Variants in FBXO30 observed in about 807,000 individuals in gnomAD.
FBXO30 encodes F-box protein 30.
Under a neutral mutation model 58.1 loss-of-function variants are expected in FBXO30, and 21 were observed. The observed-to-expected ratio is 0.36, with a 90% CI of 0.26 to 0.52. The LOEUF (loss-of-function observed/expected upper bound fraction) is 0.52. Among genes scored for constraint, FBXO30 ranks in the 20% least tolerant of loss-of-function variants. The pLI is 0.93. For synonymous variants in FBXO30, 309 were observed against 312.4 expected (o/e 0.99, Z 0.11); for missense variants, 744 against 897.3 (o/e 0.83, Z 2.18).
intron 2 of FBXO30, among the ~76,000 whole-genome samples, chr6:145,801,090 C>T (rs181489198): frequency 3.8e-4 from 58 of 152,078 alleles, no homozygotes; most frequent in African/African-American, 1.2e-3. Context: ...AAGACTGTGC[C>T]CCAAGCCCCT....
Position 145,804,962 on chromosome 6 carries a change from C to A in FBXO30, c.1444G>T (p.Ala482Ser). The change falls in exon 2 of 3, where the codon GCT (alanine) becomes TCT (serine). Residue 482 changes from alanine to serine, a missense_variant. Physicochemically the swap from Ala to Ser is moderately conservative, Grantham distance 99. Coordinates refer to ENST00000237281, the MANE Select transcript of FBXO30 (RefSeq NM_032145.5). Reference sequence around the variant, plus strand: ...AGCTGTGGATTGGCATGATCACAAGCTGAAGCTGAAGCTATCTCCCCAACC... The same window carrying A: ...AGCTGTGGATTGGCATGATCACAAGATGAAGCTGAAGCTATCTCCCCAACC... Reference protein sequence around the residue: ...TMVGEIASASACDHANPQLSN... With the variant: ...TMVGEIASASSCDHANPQLSN... 1 of 1,613,896 alleles carries A rather than the reference C, an allele frequency of 6.2e-7. No individual in the cohort carries two copies. Among genetic ancestry groups the A allele is most frequent in the Non-Finnish European group, 8.5e-7 (1 of 1,179,918 alleles).
chr6:145,804,324 T>C, intron 2 of FBXO30, 48 bp downstream of exon 2: 1 of 1,479,680 alleles, frequency 6.8e-7, no homozygotes, highest in Non-Finnish European at 9.2e-7. Flanking sequence ...AGCAGTATTA[T>C]TAAAGTCCTC....
intron 1 of FBXO30, among the ~76,000 whole-genome samples, chr6:145,806,773 G>T (rs940544435): frequency 6.6e-6 from 1 of 152,144 alleles, no homozygotes; most frequent in African/African-American, 2.4e-5. Flanking sequence ...TTAGATTTCA[G>T]AGTGTTTTTC....
In FBXO30 at chr6:145,805,512, G is replaced by A. The variant is rs762080793; in HGVS notation, c.894C>T (p.Asp298=). Residue 298 remains aspartate, a synonymous_variant, in exon 2 of 3, where the codon GAC becomes GAT. Coordinates refer to ENST00000237281, the MANE Select transcript of FBXO30 (RefSeq NM_032145.5). The stretch of plus-strand genomic sequence containing the variant: ...AATCACCATGTAAATTCTGATTCTG[G>A]TCTATGACCTGGGTACATATATTTT... ...PLENICTQVI[D]QNQNLHGDSK... 6 of 1,605,798 alleles carry A rather than the reference G, an allele frequency of 3.7e-6. No individual in the cohort carries two copies. Among genetic ancestry groups the A allele is most frequent in the Non-Finnish European group, 4.3e-6 (5 of 1,175,896 alleles).
rs150645956 is a variant in FBXO30 at position 145,805,027 on chromosome 6, G to A, written c.1379C>T (p.Thr460Ile). The change falls in exon 2 of 3, where the codon ACT (threonine) becomes ATT (isoleucine). Residue 460 changes from threonine to isoleucine, a missense_variant. By Grantham distance (89) the Thr-to-Ile change is moderately conservative. Transcript: ENST00000237281. The part of the protein sequence containing the change: ...DIYHIDVGTQ[T>I]FSLPSAILAT... ...TAATATTGCAGATGGAAGTGAAAAA[G>A]TCTGAGTCCCAACGTCAATGTGATA... 1.6e-3 allele frequency: 2,605 copies of A among 1,613,902 alleles called. 7 individuals carry two copies. The highest frequency in any genetic ancestry group is 1.9e-3 in the Non-Finnish European group (2,208 of 1,179,948).
At position 145,799,084 on chromosome 6, in the gene FBXO30, A is replaced by T. The variant is rs1401895385; in HGVS notation, c.*1022T>A. 6.6e-6 allele frequency: 1 copy of T among 151,940 alleles called. No homozygotes were observed. Among genetic ancestry groups the T allele is most frequent in the Non-Finnish European group, 1.5e-5 (1 of 67,922 alleles). The allele number at this position is 151,940 out of a possible 1,614,324, so 9.4% of individuals were successfully genotyped here. ...TCTTACTTTCTTGGTGGTGAAGCCT[A>T]TGGGAAATTAACTCGGAAATGTTTC... On this transcript the variant is annotated 3_prime_UTR_variant, in exon 3 of 3. Transcript: ENST00000237281.
Position 145,793,908 on chromosome 6 carries a change from A to G in FBXO30, c.*6198T>C, listed in dbSNP as rs1777820042. 1 of 152,100 alleles carries G rather than the reference A, an allele frequency of 6.6e-6. No individual in the cohort carries two copies. The highest frequency in any genetic ancestry group is 2.4e-5 in the African/African-American group (1 of 41,454). The allele number at this position is 152,100 out of a possible 1,614,324, so 9.4% of individuals were successfully genotyped here. On this transcript the variant is annotated 3_prime_UTR_variant, in exon 3 of 3. Transcript: ENST00000237281. ...CTAAACCACGGTTTGGGCATTTCAC[A>G]AACGTTGAGAACACTAGTTTTTGGC...
rs769563792 is a variant in FBXO30, at chr6:145,800,296, C to T, written c.2048G>A (p.Ser683Asn). 2.9e-5 allele frequency: 46 copies of T among 1,612,084 alleles called. No individual in the cohort carries two copies. The highest frequency in any genetic ancestry group is 8.5e-7 in the Non-Finnish European group (1 of 1,178,862). ...WQIKEKVWRFSTAFCSVNEWK... is the reference protein window; with the variant it reads ...WQIKEKVWRFNTAFCSVNEWK... The stretch of plus-strand genomic sequence containing the variant: ...TTCATTAACAGAACAAAATGCAGTA[C>T]TAAATCGCCATACCTACAAGAAAAT... The change falls in exon 3 of 3, where the codon AGT becomes AAT. Residue 683 changes from serine (S) to asparagine (N), a missense_variant. Transcript: ENST00000237281.
chr6:145,802,489 C>T (rs1342035444), intron 2 of FBXO30, among the ~76,000 whole-genome samples: 1 of 152,000 alleles, frequency 6.6e-6, no homozygotes, highest in African/African-American at 2.4e-5. Flanking sequence ...GAAAAAACAT[C>T]AGGGAACTGT....
chr6:145,803,431 T>C (rs1342481060), intron 2 of FBXO30, among the ~76,000 whole-genome samples: 8 of 152,208 alleles, frequency 5.3e-5, no homozygotes, highest in African/African-American at 1.7e-4. Flanking sequence ...ATCAGTGCAA[T>C]GAATGCAAGA....
At chr6:145,810,879 GAC>G (rs1778314355) in intron 1 of FBXO30, among the ~76,000 whole-genome samples, 1 of 152,000 alleles carries the variant, frequency 6.6e-6, no homozygotes, top group Non-Finnish European at 1.5e-5. Flanking sequence ...CTAACACACA[GAC>G]ACAGACACAC....
At chr6:145,803,169 C>T (rs1778056865) in intron 2 of FBXO30, among the ~76,000 whole-genome samples, 1 of 151,670 alleles carries the variant, frequency 6.6e-6, no homozygotes, top group Non-Finnish European at 1.5e-5. Context: ...TTATAGAATC[C>T]CCCCAAAAAT....
In FBXO30 at chr6:145,806,325, G is replaced by C; in HGVS notation, c.81C>G (p.Ser27=). Residue 27 remains serine, a synonymous_variant, in exon 2 of 3, where the codon TCC becomes TCG. Coordinates refer to ENST00000237281, the MANE Select transcript of FBXO30 (RefSeq NM_032145.5). ...RCMTRPEPGI[S]CDLIGCPLVC... ...CCAATGGACAACCAATCAAATCACA[G>C]GAAATCCCTGGCTCTGGCCTGGTCA... The C allele has an allele frequency of 6.2e-7, 1 of 1,613,984 alleles. No individual in the cohort carries two copies. Among genetic ancestry groups the C allele is most frequent in the Non-Finnish European group, 8.5e-7 (1 of 1,179,960 alleles).
At chr6:145,806,597 T>C (rs1462950426) in intron 1 of FBXO30, among the ~76,000 whole-genome samples, 176 bp from the exon 2 acceptor site, 1 of 152,234 alleles carries the variant, frequency 6.6e-6, no homozygotes, top group African/African-American at 2.4e-5. Context: ...CTTGAAAGGA[T>C]GTAAGCACTT....
rs1777880130 is a variant in FBXO30, at chr6:145,797,067, C to G, written c.*3039G>C. 1 of 151,302 alleles carries G rather than the reference C, an allele frequency of 6.6e-6. No individual in the cohort carries two copies. The highest frequency in any genetic ancestry group is 2.1e-4 in the South Asian group (1 of 4,712). The allele number at this position is 151,302 out of a possible 1,614,324, so 9.4% of individuals were successfully genotyped here. A position where few individuals can be genotyped will look rare whatever the true frequency, so the allele number is the denominator to read the frequency against. ...AATCCAATATTTGTCTACTTCTACT[C>G]TTTGATTACCCTACAATTTGAATAT... On this transcript the variant is annotated 3_prime_UTR_variant, in exon 3 of 3. Coordinates refer to ENST00000237281, the MANE Select transcript of FBXO30 (RefSeq NM_032145.5).
intron 1 of FBXO30, among the ~76,000 whole-genome samples, chr6:145,807,898 T>C (rs1778222924): frequency 6.6e-6 from 1 of 151,866 alleles, no homozygotes; most frequent in Non-Finnish European, 1.5e-5. Context: ...GAGGCCAACA[T>C]AGGAGGGTCA....
In FBXO30 at chr6:145,805,092, T is replaced by C. The variant is rs1778122534; in HGVS notation, c.1314A>G (p.Pro438=). The C allele has an allele frequency of 6.2e-7, 1 of 1,613,964 alleles. No individual in the cohort carries two copies. The highest frequency in any genetic ancestry group is 1.3e-5 in the African/African-American group (1 of 74,934). Residue 438 remains proline, a synonymous_variant, in exon 2 of 3, where the codon CCA becomes CCG. Coordinates refer to ENST00000237281, the MANE Select transcript of FBXO30 (RefSeq NM_032145.5). The part of the protein sequence containing the change: ...AALLFCLGDS[P]GGRGISDSRM... ...GGCTATCAGATATACCCCTCCCTCC[T>C]GGAGAATCTCCTAGACAAAAAAGCA...
chr6:145,802,514 G>A (rs760378051), intron 2 of FBXO30, among the ~76,000 whole-genome samples: 5 of 152,056 alleles, frequency 3.3e-5, no homozygotes, highest in Admixed American at 1.3e-4. Context: ...AAATCAATGC[G>A]GTTACAGTAT....
intron 1 of FBXO30, among the ~76,000 whole-genome samples, chr6:145,813,099 T>G (rs1024396842): frequency 7.2e-5 from 11 of 152,304 alleles, no homozygotes; most frequent in African/African-American, 2.2e-4. Flanking sequence ...CCTATTTTGG[T>G]GACCTTAAAG....
Sources: gnomAD v4.1 joint callset for allele counts (sites outside exome capture counted in the v4.1 genomes callset) on GRCh38, gnomAD v4.1.1 for gene constraint, MANE v1.5 for transcripts, NCBI Gene and HGNC (gene_info 2026-07-23, HGNC 2026-07-21) for gene names.